Variants in TTBK2 observed in about 807,000 individuals in gnomAD.
TTBK2 encodes the protein tau-tubulin kinase 2.
A neutral mutation model predicts 110.8 loss-of-function variants in TTBK2; 28 were observed. That is an observed-to-expected ratio of 0.25 (90% CI 0.19 to 0.35). TTBK2 has a LOEUF of 0.35. Among genes scored for constraint, TTBK2 ranks in the 10% least tolerant of loss-of-function variants. TTBK2 has a pLI of 1.00. For missense variants in TTBK2, 1,369 were observed against 1,500.3 expected (o/e 0.91, Z 1.45); for synonymous variants, 532 against 527.3 (o/e 1.01, Z -0.12).
At chr15:42,801,335 C>G in intron 9 of TTBK2, 1 of 1,584,668 alleles carries the variant, frequency 6.3e-7, no homozygotes, top group Non-Finnish European at 8.7e-7. Context: ...TGGCTAGCTG[C>G]AGGGCGGCCT....
intron 2 of TTBK2, among the ~76,000 whole-genome samples, chr15:42,873,141 T>C (rs985862140): frequency 1.3e-5 from 2 of 152,134 alleles, no homozygotes; most frequent in African/African-American, 2.4e-5. Flanking sequence ...TTTTAAACTA[T>C]GAAATCCTGG....
intron 1 of TTBK2, among the ~76,000 whole-genome samples, chr15:42,903,403 T>G (rs967511321): frequency 1.3e-5 from 2 of 152,198 alleles, no homozygotes; most frequent in Non-Finnish European, 2.9e-5. Flanking sequence ...ACTGTACACT[T>G]AAAAATGCTT....
In TTBK2 at chr15:42,794,745, G is replaced by T; in HGVS notation, c.879C>A (p.Asp293Glu). The change falls in exon 10 of 15, where the codon GAC becomes GAA. Residue 293 changes from aspartate to glutamate, a missense_variant. This residue lies in a region of TTBK2 where 138 missense variants were observed against 179.0 expected (regional missense o/e 0.77). Transcript: ENST00000267890. The stretch of plus-strand genomic sequence containing the variant: ...TTCCAGTCTTCTCCCAGTCAAAAGG[G>T]TCACTCTCAATTACTCCAAAAGTCT... ...SIKTFGVIES[D>E]PFDWEKTGND... is the part of the protein sequence containing the mutation. 1 of 1,614,054 alleles carries T rather than the reference G, an allele frequency of 6.2e-7. No homozygotes were observed. The highest frequency in any genetic ancestry group is 1.3e-5 in the African/African-American group (1 of 74,972).
At position 42,806,457 on chromosome 15, in the gene TTBK2, G is replaced by A. The variant is rs117427172; in HGVS notation, c.822+4157C>T. Among the ~76,000 whole-genome samples the A allele has an allele frequency of 8.1e-3, 1,240 of 152,166 alleles. 7 individuals carry two copies. The highest frequency in any genetic ancestry group is 0.014 in the Non-Finnish European group (948 of 68,016). ...TGCTCCTGTTTATAACACTTCCAACGCTTTGTGTTGTACTTAGAATAAAAA... is the reference window on the plus strand; with the variant it reads ...TGCTCCTGTTTATAACACTTCCAACACTTTGTGTTGTACTTAGAATAAAAA... On this transcript the variant is annotated intron_variant, in intron 9 of 14. Transcript: ENST00000267890.
chr15:42,796,486 G>A (rs1890950472), intron 9 of TTBK2, among the ~76,000 whole-genome samples: 1 of 152,124 alleles, frequency 6.6e-6, no homozygotes, highest in African/African-American at 2.4e-5. Flanking sequence ...AAAAGATCAA[G>A]GGCTATAGCC....
chr15:42,860,589 T>C (rs763610836), intron 3 of TTBK2, among the ~76,000 whole-genome samples: 4 of 149,994 alleles, frequency 2.7e-5, no homozygotes, highest in Non-Finnish European at 5.9e-5. Context: ...GTTCAGGCAA[T>C]AGTGAGACCC....
chr15:42,797,611 G>A (rs1422643950), intron 9 of TTBK2, among the ~76,000 whole-genome samples: 1 of 152,170 alleles, frequency 6.6e-6, no homozygotes, highest in African/African-American at 2.4e-5. Flanking sequence ...ACCTTCCTCA[G>A]ATTGGAATAG....
intron 3 of TTBK2, among the ~76,000 whole-genome samples, chr15:42,851,732 C>T: frequency 6.6e-6 from 1 of 151,846 alleles, no homozygotes; most frequent in Middle Eastern, 3.4e-3. Context: ...ATATATAGAG[C>T]TGATTATAAT....
At chr15:42,899,601 G>A (rs1000461915) in intron 1 of TTBK2, among the ~76,000 whole-genome samples, 1 of 152,078 alleles carries the variant, frequency 6.6e-6, no homozygotes, top group African/African-American at 2.4e-5. Context: ...TTAGCCGGGC[G>A]TGGTGGTACG....
intron 5 of TTBK2, among the ~76,000 whole-genome samples, chr15:42,828,551 T>TAA (rs376055381): frequency 1.3e-4 from 18 of 141,084 alleles, no homozygotes; most frequent in South Asian, 2.3e-4. Flanking sequence ...CCGTTTCTAC[T>TAA]AAAAAAAAAA....
chr15:42,854,316 A>T (rs528966212), intron 3 of TTBK2, among the ~76,000 whole-genome samples: 1 of 152,354 alleles, frequency 6.6e-6, no homozygotes, highest in East Asian at 1.9e-4. Flanking sequence ...CCAGTAAATG[A>T]TGTATAAACT....
chr15:42,760,274 T>C (rs1045186806), intron 13 of TTBK2, among the ~76,000 whole-genome samples: 2 of 150,966 alleles, frequency 1.3e-5, no homozygotes, highest in African/African-American at 4.9e-5. Flanking sequence ...TAATCCCAGC[T>C]ACTCAGGAGG....
intron 14 of TTBK2, among the ~76,000 whole-genome samples, chr15:42,748,081 A>G (rs1262092121): frequency 6.6e-6 from 1 of 152,224 alleles, no homozygotes; most frequent in Non-Finnish European, 1.5e-5. Context: ...CTTTTCTATC[A>G]AACCAAAGGC....
At chr15:42,861,478 C>T (rs943074376) in intron 3 of TTBK2, among the ~76,000 whole-genome samples, 3 of 152,008 alleles carry the variant, frequency 2.0e-5, no homozygotes, top group Non-Finnish European at 2.9e-5. Context: ...GGAAGTTAAC[C>T]TAGTCCTGAA....
At chr15:42,874,485 T>C (rs1894734878) in intron 2 of TTBK2, among the ~76,000 whole-genome samples, 1 of 151,342 alleles carries the variant, frequency 6.6e-6, no homozygotes, top group Non-Finnish European at 1.5e-5. Flanking sequence ...CTTGGCTAAT[T>C]TTTGTATTTT....
chr15:42,815,959 ATATATAT>A (rs1567040622), intron 7 of TTBK2, among the ~76,000 whole-genome samples: 5 of 16,062 alleles, frequency 3.1e-4, no homozygotes, highest in African/African-American at 3.7e-4. Context: ...TAAAAAAAAA[ATATATAT>A]ATATATATAT....
chr15:42,912,463 T>C (rs1293680704), intron 1 of TTBK2, among the ~76,000 whole-genome samples: 1 of 152,202 alleles, frequency 6.6e-6, no homozygotes, highest in Non-Finnish European at 1.5e-5. Flanking sequence ...TCCCAGCACT[T>C]TGGGAGGCCC....
chr15:42,794,836 C>G (rs781344308), intron 9 of TTBK2, 35 bp from the exon 10 acceptor site: 11 of 1,610,338 alleles, frequency 6.8e-6, no homozygotes, highest in Non-Finnish European at 8.5e-6. Flanking sequence ...AGTAAGTGAA[C>G]AGTAAACATA....
intron 9 of TTBK2, among the ~76,000 whole-genome samples, chr15:42,807,950 T>C (rs1891544271): frequency 6.6e-6 from 1 of 152,202 alleles, no homozygotes; most frequent in Admixed American, 6.5e-5. Flanking sequence ...TAAATTTGCC[T>C]AACATTTGTT....
Sources: gnomAD v4.1 joint callset for allele counts (sites outside exome capture counted in the v4.1 genomes callset) on GRCh38, gnomAD v4.1.1 for gene constraint, gnomAD v4.1.1 regional missense constraint, MANE v1.5 for transcripts, NCBI Gene and HGNC (gene_info 2026-07-23, HGNC 2026-07-21) for gene names.